The following ASB8 variants were observed in gnomAD, a reference collection of about 807,000 sequenced individuals.
ASB8 encodes the protein ankyrin repeat and SOCS box protein 8.
Under a neutral mutation model 22.9 loss-of-function variants are expected in ASB8, and 15 were observed. That is an observed-to-expected ratio of 0.66 (90% CI 0.44 to 1.01). The LOEUF is 1.01. ASB8 is among the 50% of genes least tolerant of loss of function. The pLI is 0.00. For missense variants in ASB8, 294 were observed against 356.9 expected, an observed-to-expected ratio of 0.82 and a Z score of 1.42; for synonymous variants, 124 against 140.8, an observed-to-expected ratio of 0.88 and a Z score of 0.84.
At chr12:48,151,633 G>A (rs952786762) in intron 2 of ASB8, 12 of 1,387,154 alleles carry the variant, frequency 8.7e-6, no homozygotes, top group Admixed American at 4.3e-5. Flanking sequence ...AGGAAAGCTG[G>A]ACCAGCAATC....
intron 2 of ASB8, among the ~76,000 whole-genome samples, chr12:48,152,252 C>CCG (rs2136078572): frequency 6.6e-6 from 1 of 152,262 alleles, no homozygotes; most frequent in South Asian, 2.1e-4. Context: ...AAGGTTTCTA[C>CCG]CGCGGAGTCT....
At chr12:48,151,969 T>C (rs1041685171) in intron 2 of ASB8, among the ~76,000 whole-genome samples, 2 of 151,998 alleles carry the variant, frequency 1.3e-5, no homozygotes, top group African/African-American at 4.8e-5. Flanking sequence ...CTGGCCGACA[T>C]GGTGAAACCC....
chr12:48,149,729 G>T lies in ASB8; in HGVS notation c.504C>A (p.Ser168Arg). The change falls in exon 4 of 4, where the codon AGC (serine) becomes AGA (arginine). Residue 168 changes from serine (S) to arginine (R), a missense_variant. By Grantham distance (110) the Ser-to-Arg change is moderately radical. Transcript: ENST00000317697. ...CCTCTGCGCCATAATCCAGAAGGAT[G>T]CTGACACTCTCAAGATTTCCCTTCA... ...AAMKGNLESV[S>R]ILLDYGAEVR... The T allele has an allele frequency of 6.2e-7, 1 of 1,614,126 alleles. No homozygotes were observed.
chr12:48,153,606 T>C, intron 1 of ASB8, 77 bp from the exon 2 acceptor site: 1 of 1,136,732 alleles, frequency 8.8e-7, no homozygotes, highest in Non-Finnish European at 1.3e-6. Flanking sequence ...CTCTGAGGCC[T>C]TCCCAATGCT....
chr12:48,155,166 GAA>G (rs1185437447), intron 1 of ASB8, among the ~76,000 whole-genome samples: 1 of 152,120 alleles, frequency 6.6e-6, no homozygotes, highest in Non-Finnish European at 1.5e-5. Context: ...ACACTTCTAT[GAA>G]ACAGTACATA....
chr12:48,155,742 A>AAAAAT (rs371161682), intron 1 of ASB8, among the ~76,000 whole-genome samples: 4 of 114,954 alleles, frequency 3.5e-5, no homozygotes, highest in African/African-American at 1.4e-4. Context: ...AAAAAAAAAA[A>AAAAAT]ATATATATAT....
intron 2 of ASB8, chr12:48,151,739 AC>A: frequency 1.2e-6 from 1 of 821,198 alleles, no homozygotes; most frequent in Non-Finnish European, 1.8e-6. Context: ...TCAACAAATG[AC>A]CATCATTAAT....
chr12:48,149,404 G>C lies in ASB8; in HGVS notation c.829C>G (p.Pro277Ala), dbSNP rs770476128. Reference sequence around the variant, plus strand: ...AACAGGTATTCCTTCAAAGAAGCTGGCAGTGGAAGGCCCTTCACTGCATCG... The same window carrying C: ...AACAGGTATTCCTTCAAAGAAGCTGCCAGTGGAAGGCCCTTCACTGCATCG... ...LPDAVKGLPL[P>A]ASLKEYLLLL... The change falls in exon 4 of 4, where the codon CCA becomes GCA. Residue 277 changes from proline (P) to alanine (A), a missense_variant. Transcript: ENST00000317697. The C allele has an allele frequency of 4.3e-6, 7 of 1,614,010 alleles. No homozygotes were observed. Among genetic ancestry groups the C allele is most frequent in the Middle Eastern group, 1.6e-4 (1 of 6,062 alleles).
At chr12:48,151,818 T>C (rs1006515899) in intron 2 of ASB8, among the ~76,000 whole-genome samples, 6 of 152,216 alleles carry the variant, frequency 3.9e-5, no homozygotes, top group Non-Finnish European at 8.8e-5. Context: ...TTAGTATCAG[T>C]ATTCTTTACC....
chr12:48,152,010 G>A (rs1268220313), intron 2 of ASB8, among the ~76,000 whole-genome samples: 1 of 152,098 alleles, frequency 6.6e-6, no homozygotes, highest in Non-Finnish European at 1.5e-5. Context: ...AAACTAGCTG[G>A]GTGTGGTGGC....
In ASB8 at chr12:48,149,095, G is replaced by C; in HGVS notation, c.*271C>G. ...TACACTGTTGACTCCTTCCCTAAAGGGGAGGATTGAGGGAGACCTCTTCTT... is the reference window on the plus strand; with the variant it reads ...TACACTGTTGACTCCTTCCCTAAAGCGGAGGATTGAGGGAGACCTCTTCTT... On this transcript the variant is annotated 3_prime_UTR_variant, in exon 4 of 4. Coordinates refer to ENST00000317697, the MANE Select transcript of ASB8 (RefSeq NM_024095.5). The C allele has an allele frequency of 2.1e-6, 1 of 474,144 alleles. No individual in the cohort carries two copies. Among genetic ancestry groups the C allele is most frequent in the South Asian group, 2.7e-5 (1 of 37,112 alleles). 29.4% of individuals were successfully genotyped at this position (474,144 alleles called of 1,614,324 possible).
intron 3 of ASB8, 200 bp from the exon 4 acceptor site, chr12:48,150,198 C>T (rs1035209858): frequency 4.2e-6 from 3 of 711,756 alleles, no homozygotes; most frequent in Admixed American, 4.0e-5. Context: ...AAAGAACTGT[C>T]CTCAAACAGT....
Position 48,153,504 on chromosome 12 carries a change from C to G in ASB8, c.-8G>C. The G allele has an allele frequency of 1.9e-6, 3 of 1,613,534 alleles. No individual in the cohort carries two copies. The highest frequency in any genetic ancestry group is 2.5e-6 in the Non-Finnish European group (3 of 1,179,666). ...CCACATACTGGAACTCATCAAGGCT[C>G]AAGGTGTTCACATGCTCCAAACTGC... On this transcript the variant is annotated 5_prime_UTR_variant, in exon 2 of 4. Coordinates refer to ENST00000317697, the MANE Select transcript of ASB8 (RefSeq NM_024095.5).
At chr12:48,151,025 T>A in intron 3 of ASB8, 176 bp downstream of exon 3, 1 of 622,670 alleles carries the variant, frequency 1.6e-6, no homozygotes, top group Non-Finnish European at 2.9e-6. Flanking sequence ...AATCCTTAGA[T>A]CATTTTATAT....
rs1471890921 is a variant in ASB8, at chr12:48,153,381, T to C, written c.116A>G (p.Asp39Gly). 1 of 1,613,964 alleles carries C rather than the reference T, an allele frequency of 6.2e-7. No homozygotes were observed. Residue 39 changes from aspartate to glycine, a missense_variant, in exon 2 of 4, where the codon GAC becomes GGC. Physicochemically the swap from Asp to Gly is moderately conservative, Grantham distance 94. Transcript: ENST00000317697. ...IRSFPHDNVE[D>G]LIRGGADVNC... ...CAGCACACTCACCCCTCTGATGAGG[T>C]CCTCTACATTATCATGTGGGAAGGA...
At position 48,149,824 on chromosome 12, in the gene ASB8, G is replaced by A. The variant is rs1565926374; in HGVS notation, c.409C>T (p.Leu137Phe). ...FKNNAECVRA[L>F]LESGASVNAL... ...TTGACAGAGGCCCCGCTCTCTAGGA[G>A]AGCCCGCACACACTCAGCATTGTTC... The change falls in exon 4 of 4, where the codon CTC becomes TTC. Residue 137 changes from leucine to phenylalanine, a missense_variant. By Grantham distance (22) the Leu-to-Phe change is conservative. Transcript: ENST00000317697. 1 of 1,614,140 alleles carries A rather than the reference G, an allele frequency of 6.2e-7. No individual in the cohort carries two copies. The highest frequency in any genetic ancestry group is 1.7e-5 in the Admixed American group (1 of 60,014).
At chr12:48,151,965 G>A (rs1013376731) in intron 2 of ASB8, among the ~76,000 whole-genome samples, 1 of 151,966 alleles carries the variant, frequency 6.6e-6, no homozygotes, top group Non-Finnish European at 1.5e-5. Flanking sequence ...CATCCTGGCC[G>A]ACATGGTGAA....
At chr12:48,150,565 G>A (rs1427884900) in intron 3 of ASB8, among the ~76,000 whole-genome samples, 2 of 152,184 alleles carry the variant, frequency 1.3e-5, no homozygotes, top group Non-Finnish European at 2.9e-5. Flanking sequence ...CCAAATGAAA[G>A]CATGTGATAG....
In ASB8 at chr12:48,149,781, T is replaced by C. The variant is rs201091471; in HGVS notation, c.452A>G (p.Asn151Ser). ...GGCAGCCCAGCTGAGCGGTGTATCA[T>C]TGTTGTAATCCAGGGCATTGACAGA... Reference protein sequence around the residue: ...GASVNALDYNNDTPLSWAAMK... With the variant: ...GASVNALDYNSDTPLSWAAMK... The change falls in exon 4 of 4, where the codon AAT becomes AGT. Residue 151 changes from asparagine to serine, a missense_variant. Transcript: ENST00000317697. 2.3e-5 allele frequency: 37 copies of C among 1,614,074 alleles called. No homozygotes were observed. Among genetic ancestry groups the C allele is most frequent in the Middle Eastern group, 1.6e-4 (1 of 6,062 alleles).
Sources: gnomAD v4.1 joint callset for allele counts (sites outside exome capture counted in the v4.1 genomes callset) on GRCh38, gnomAD v4.1.1 for gene constraint, MANE v1.5 for transcripts, NCBI Gene and HGNC (gene_info 2026-07-23, HGNC 2026-07-21) for gene names.